SLC5A6: variants seen among roughly 807,000 people sequenced by gnomAD.
SLC5A6 encodes the protein solute carrier family 5 member 6.
Under a neutral mutation model 67.9 loss-of-function variants are expected in SLC5A6, and 31 were observed. That is an observed-to-expected ratio of 0.46 (90% CI 0.34 to 0.62). The LOEUF (loss-of-function observed/expected upper bound fraction) is 0.62, where lower values mean the gene tolerates loss of function less well. Among genes scored for constraint, SLC5A6 ranks in the 20% least tolerant of loss-of-function variants. The pLI is 0.01. For synonymous variants in SLC5A6, 343 were observed against 331.0 expected (o/e 1.04, Z -0.39); for missense variants, 673 against 812.8 (o/e 0.83, Z 2.09).
At position 27,201,456 on chromosome 2, in the gene SLC5A6, G is replaced by T; in HGVS notation, c.1545-3C>A. ...AGAACCGCTGCAGCCCTGTGGGCCT[G>T]GGAAGAGCAGAGGTGAGAACAATTA... On this transcript the variant is annotated splice_region_variant and splice_polypyrimidine_tract_variant and intron_variant, in intron 14 of 16. Coordinates refer to ENST00000310574, the MANE Select transcript of SLC5A6 (RefSeq NM_021095.4). 6.3e-7 allele frequency: 1 copy of T among 1,595,468 alleles called. No homozygotes were observed. Among genetic ancestry groups the T allele is most frequent in the Non-Finnish European group, 8.6e-7 (1 of 1,162,990 alleles).
intron 16 of SLC5A6, 78 bp downstream of exon 16, chr2:27,200,920 G>T: frequency 1.1e-6 from 1 of 931,894 alleles, no homozygotes; most frequent in South Asian, 1.5e-5. Flanking sequence ...GGAGAGAAAA[G>T]GGGTAGAAGG....
chr2:27,203,582 C>T (rs1673815779), intron 10 of SLC5A6, among the ~76,000 whole-genome samples, 197 bp downstream of exon 10: 1 of 152,152 alleles, frequency 6.6e-6, no homozygotes. Flanking sequence ...TAAAAGAACT[C>T]TTAACCAAAA....
At chr2:27,203,440 G>A in intron 10 of SLC5A6, 95 bp from the exon 11 acceptor site, 1 of 1,090,714 alleles carries the variant, frequency 9.2e-7, no homozygotes, top group East Asian at 2.5e-5. Flanking sequence ...GCGGGGAGAT[G>A]ACAGGTACCA....
chr2:27,201,163 C>A, intron 15 of SLC5A6, 50 bp from the exon 16 acceptor site: 8 of 1,420,352 alleles, frequency 5.6e-6, no homozygotes, highest in Non-Finnish European at 6.9e-6. Context: ...TCCACAGCAG[C>A]GGGCCCCATG....
chr2:27,204,461 C>T lies in SLC5A6; in HGVS notation c.1005G>A (p.Gln335=), dbSNP rs1167929742. The change falls in exon 9 of 17, where the codon CAG becomes CAA. Residue 335 remains glutamine, a splice_region_variant and synonymous_variant. Transcript: ENST00000310574. The part of the protein sequence containing the change: ...SIQQAQAAPD[Q]FVLYFVMDLL... ...TGGGAACAGAACAGCGCCTTCTCAC[C>T]TGGTCTGGGGCTGCCTGAGCCTGCT... 6.2e-7 allele frequency: 1 copy of T among 1,611,932 alleles called. No homozygotes were observed. Among genetic ancestry groups the T allele is most frequent in the Non-Finnish European group, 8.5e-7 (1 of 1,178,838 alleles).
rs1480675291 is a variant in SLC5A6, at chr2:27,200,456, G to A, written c.1888C>T (p.Leu630Phe). 4 of 1,613,110 alleles carry A rather than the reference G, an allele frequency of 2.5e-6. No individual in the cohort carries two copies. Among genetic ancestry groups the A allele is most frequent in the Middle Eastern group, 1.7e-4 (1 of 6,056 alleles). ...CAACATCACAGGGAGGTCTCCTGGA[G>A]GATGCAGGTGGAGCTGCTCCCCTGA... Reference protein sequence around the residue: ...AYQGSSSTCILQETSL With the variant: ...AYQGSSSTCIFQETSL Residue 630 changes from leucine to phenylalanine, a missense_variant, in exon 17 of 17, where the codon CTC becomes TTC. Transcript: ENST00000310574.
chr2:27,200,858 G>A (rs1466115270), intron 16 of SLC5A6, 140 bp downstream of exon 16: 6 of 641,254 alleles, frequency 9.4e-6, no homozygotes, highest in East Asian at 5.5e-5. Context: ...TGAGACAGCC[G>A]TGTGGGACAG....
intron 5 of SLC5A6, 165 bp downstream of exon 5, chr2:27,206,318 G>A: frequency 1.4e-6 from 1 of 719,304 alleles, no homozygotes; most frequent in South Asian, 1.8e-5. Context: ...CAATTGAGGT[G>A]GACCAAGCCT....
At chr2:27,205,540 C>T (rs1673996249) in intron 6 of SLC5A6, 36 bp from the exon 7 acceptor site, 53 of 1,611,436 alleles carry the variant, frequency 3.3e-5, no homozygotes, top group Non-Finnish European at 4.4e-5. Context: ...CCACAGAGGC[C>T]TTCTAAACCC....
chr2:27,206,985 G>T, intron 3 of SLC5A6, 43 bp from the exon 4 acceptor site: 1 of 1,491,358 alleles, frequency 6.7e-7, no homozygotes, highest in Non-Finnish European at 9.4e-7. Flanking sequence ...ACTTCACCCC[G>T]ACAACTCACA....
At position 27,201,037 on chromosome 2, in the gene SLC5A6, C is replaced by A. The variant is rs1343197806; in HGVS notation, c.1725G>T (p.Leu575Phe). ...VLPKLLSLLP[L>F]SCQKRLHCRS... ...TGCAGTGGAGCCGCTTCTGACAGGA[C>A]AACGGAAGGAGGGACAGGAGCTTTG... The change falls in exon 16 of 17, where the codon TTG (leucine) becomes TTT (phenylalanine). Residue 575 changes from leucine to phenylalanine, a missense_variant. Leu to Phe is a conservative substitution (Grantham distance 22, BLOSUM62 0). Coordinates refer to ENST00000310574, the MANE Select transcript of SLC5A6 (RefSeq NM_021095.4). The A allele has an allele frequency of 8.1e-6, 13 of 1,613,710 alleles. No individual in the cohort carries two copies. The highest frequency in any genetic ancestry group is 9.3e-6 in the Non-Finnish European group (11 of 1,179,888).
At chr2:27,211,093 A>T (rs1674459203) in intron 2 of SLC5A6, among the ~76,000 whole-genome samples, 1 of 152,134 alleles carries the variant, frequency 6.6e-6, no homozygotes. Flanking sequence ...GATCGCATTG[A>T]CTCCTACAAA....
rs950625480 is a variant in SLC5A6, at chr2:27,211,003, G to A, written c.-141+464C>T. Among the ~76,000 whole-genome samples the A allele has an allele frequency of 7.2e-5, 11 of 152,244 alleles. No homozygotes were observed. In the East Asian group the frequency reaches 1.6e-3, roughly 22 times the overall value. On this transcript the variant is annotated intron_variant, in intron 2 of 16. Transcript: ENST00000310574. ...CGCGCCACTGCACTCCAGCCTGGGC[G>A]ACAGAGCGAGACTCCGTCTCAAAAT...
chr2:27,211,966 C>CCCCGCCCCCAG, intron 1 of SLC5A6, 54 bp downstream of exon 1: 3 of 475,572 alleles, frequency 6.3e-6, no homozygotes, highest in Non-Finnish European at 1.1e-5. Flanking sequence ...CCCGCGGGGG[C>CCCCGCCCCCAG]CCCGCCCCCT....
In SLC5A6 at chr2:27,206,888, T is replaced by C. The variant is rs749558682; in HGVS notation, c.448A>G (p.Ile150Val). Residue 150 changes from isoleucine (I) to valine (V), a missense_variant, in exon 4 of 17, where the codon ATC becomes GTC. Coordinates refer to ENST00000310574, the MANE Select transcript of SLC5A6 (RefSeq NM_021095.4). ...CTCATTCTGCTTACCATCTGAAAGA[T>C]GAAGGTCACAGTTCCACACACTCGC... ...TVRVCGTVTF[I>V]FQMVIYMGVV... 7.4e-6 allele frequency: 12 copies of C among 1,613,208 alleles called. No individual in the cohort carries two copies. The East Asian group carries it at 2.0e-4, about 27-fold the overall frequency.
At position 27,200,579 on chromosome 2, in the gene SLC5A6, C is replaced by A; in HGVS notation, c.1765G>T (p.Asp589Tyr). The A allele has an allele frequency of 6.2e-7, 1 of 1,609,822 alleles. No homozygotes were observed. Among genetic ancestry groups the A allele is most frequent in the Non-Finnish European group, 8.5e-7 (1 of 1,177,944 alleles). ...KRLHCRSYGQ[D>Y]HLDTGLFPEK... ...GGAAACAGGCCAGTGTCGAGGTGGTCCTGCAAACACAGAGCCAAAGGGGTG... is the reference window on the plus strand; with the variant it reads ...GGAAACAGGCCAGTGTCGAGGTGGTACTGCAAACACAGAGCCAAAGGGGTG... The change falls in exon 17 of 17, where the codon GAC (aspartate) becomes TAC (tyrosine). Residue 589 changes from aspartate (D) to tyrosine (Y), a missense_variant and splice_region_variant. By Grantham distance (160) the Asp-to-Tyr change is radical (BLOSUM62 -3). Transcript: ENST00000310574.
intron 10 of SLC5A6, among the ~76,000 whole-genome samples, 161 bp downstream of exon 10, chr2:27,203,618 C>T (rs1673817775): frequency 6.6e-6 from 1 of 152,168 alleles, no homozygotes; most frequent in African/African-American, 2.4e-5. Context: ...TGTGCTGTGG[C>T]CTACAAAGAT....
chr2:27,201,608 G>T, intron 14 of SLC5A6, 58 bp downstream of exon 14: 1 of 1,550,650 alleles, frequency 6.4e-7, no homozygotes. Context: ...CAAGACCCCT[G>T]TGAAAGCCCT....
rs1405523121 is a variant in SLC5A6, at chr2:27,204,608, G to C, written c.876-18C>G. On this transcript the variant is annotated intron_variant, in intron 8 of 16. Transcript: ENST00000310574. ...AACAGGAGCTGCAAAAGAGGTCAGT[G>C]CCAGGAGGAGAGCCGGCGTTAACAG... 3 of 1,613,434 alleles carry C rather than the reference G, an allele frequency of 1.9e-6. No homozygotes were observed. The highest frequency in any genetic ancestry group is 1.7e-5 in the Admixed American group (1 of 59,982).
Sources: gnomAD v4.1 joint callset for allele counts (sites outside exome capture counted in the v4.1 genomes callset) on GRCh38, gnomAD v4.1.1 for gene constraint, MANE v1.5 for transcripts, NCBI Gene and HGNC (gene_info 2026-07-23, HGNC 2026-07-21) for gene names.